HSPBP1: variants seen among roughly 807,000 people sequenced by gnomAD.
HSPBP1 encodes the protein hsp70-binding protein 1.
A neutral mutation model predicts 41.7 loss-of-function variants in HSPBP1; 31 were observed. That is an observed-to-expected ratio of 0.74 (90% CI 0.56 to 1.00). The LOEUF (loss-of-function observed/expected upper bound fraction) is 1.00. HSPBP1 is among the 50% of genes least tolerant of loss of function. The pLI is 0.00. For synonymous variants in HSPBP1, 199 were observed against 214.4 expected (o/e 0.93, Z 0.63); for missense variants, 439 against 487.9 (o/e 0.90, Z 0.94).
chr19:55,263,257 A>G (rs1323905273), intron 7 of HSPBP1, among the ~76,000 whole-genome samples: 1 of 152,232 alleles, frequency 6.6e-6, no homozygotes, highest in Non-Finnish European at 1.5e-5. Flanking sequence ...CACTCATGGG[A>G]GAAATGTAAA....
rs1383469810 is a variant in HSPBP1, at chr19:55,272,849, AAAAG to A, written c.640+1545_640+1548del. Among the ~76,000 whole-genome samples, 1 of 152,108 alleles carries A rather than the reference AAAAG, an allele frequency of 6.6e-6. No individual in the cohort carries two copies. Among genetic ancestry groups the A allele is most frequent in the East Asian group, 1.9e-4 (1 of 5,176 alleles). On this transcript the variant is annotated intron_variant, in intron 4 of 7. Coordinates refer to ENST00000433386, the MANE Select transcript of HSPBP1 (RefSeq NM_012267.5). The surrounding 1 kb of genome is among the most constrained non-coding windows in gnomAD (Gnocchi z 4.2). ...GCGAGACTCTGTCTCAAAAAAAAAA[AAAAG>A]AAAGAAAAGAAGAAAATGTTCCAAA...
At chr19:55,275,487 T>C (rs2088046771) in intron 3 of HSPBP1, among the ~76,000 whole-genome samples, 1 of 152,152 alleles carries the variant, frequency 6.6e-6, no homozygotes, top group Non-Finnish European at 1.5e-5. Flanking sequence ...AACGGAGTAT[T>C]ACTCAGCCAT....
At chr19:55,274,375 C>T in intron 4 of HSPBP1, 23 bp downstream of exon 4, 3 of 1,108,662 alleles carry the variant, frequency 2.7e-6, no homozygotes, top group Non-Finnish European at 3.7e-6. Context: ...CACCCCTGTC[C>T]CCAGCCCCAC....
At chr19:55,265,162 TGG>T in intron 7 of HSPBP1, 114 bp downstream of exon 7, 1 of 164,760 alleles carries the variant, frequency 6.1e-6, no homozygotes, top group Non-Finnish European at 1.1e-5. Context: ...CCCCTCCCCC[TGG>T]CACCTGATCC....
In HSPBP1 at chr19:55,274,522, G is replaced by A; in HGVS notation, c.516C>T (p.Cys172=). 6.2e-7 allele frequency: 1 copy of A among 1,606,732 alleles called. No homozygotes were observed. Residue 172 remains cysteine, a synonymous_variant, in exon 4 of 8, where the codon TGC becomes TGT. Transcript: ENST00000433386. ...CCTGGATGGCTGCCACGTTCTGACT[G>A]CACGTGCCGATGAGCTGTGCCGCCC... ...RWRAAQLIGT[C]SQNVAAIQEQ... is the part of the protein sequence containing the mutation.
chr19:55,272,182 T>C lies in HSPBP1; in HGVS notation c.640+2216A>G, dbSNP rs2087940665. Among the ~76,000 whole-genome samples the C allele has an allele frequency of 6.6e-6, 1 of 151,588 alleles. No homozygotes were observed. Among genetic ancestry groups the C allele is most frequent in the African/African-American group, 2.4e-5 (1 of 41,164 alleles). ...CAAGAGAACGGAAAACAAATGTCCA[T>C]AAAAACACCTGCGCAGCTATGTCCA... On this transcript the variant is annotated intron_variant, in intron 4 of 7. Coordinates refer to ENST00000433386, the MANE Select transcript of HSPBP1 (RefSeq NM_012267.5). This position sits in a 1 kb window ranked among gnomAD's most constrained non-coding sequence, Gnocchi z 4.2.
intron 4 of HSPBP1, among the ~76,000 whole-genome samples, chr19:55,267,718 C>G (rs536783373): frequency 6.6e-6 from 1 of 152,360 alleles, no homozygotes; most frequent in East Asian, 1.9e-4. Context: ...CTCAGCCTCC[C>G]AAGGTGCTGG....
chr19:55,275,587 G>C (rs1406757268), intron 3 of HSPBP1, among the ~76,000 whole-genome samples: 1 of 152,046 alleles, frequency 6.6e-6, no homozygotes, highest in Non-Finnish European at 1.5e-5. Context: ...TTGAGGCCAG[G>C]AGTTCGAGAC....
Position 55,279,717 on chromosome 19 carries a change from G to C in HSPBP1, c.-94-15C>G. ...TTCTTGAGGGTCTGCTGAGAAGGCG[G>C]CGTTTCAGGGGAGCTCGGCGACCCC... On this transcript the variant is annotated splice_polypyrimidine_tract_variant and intron_variant, in intron 1 of 7. Transcript: ENST00000433386. The C allele has an allele frequency of 6.5e-7, 1 of 1,536,406 alleles. No homozygotes were observed. The highest frequency in any genetic ancestry group is 2.4e-5 in the East Asian group (1 of 40,862).
chr19:55,265,434 C>T lies in HSPBP1; in HGVS notation c.894-45G>A. The T allele has an allele frequency of 2.7e-6, 4 of 1,468,414 alleles. No individual in the cohort carries two copies. The South Asian group carries it at 3.4e-5, about 12-fold the overall frequency. The allele number at this position is 1,468,414 out of a possible 1,614,324, so 91.0% of individuals were successfully genotyped here. On this transcript the variant is annotated intron_variant, in intron 6 of 7. Coordinates refer to ENST00000433386, the MANE Select transcript of HSPBP1 (RefSeq NM_012267.5). The stretch of plus-strand genomic sequence containing the variant: ...GGCCCTTAGGACCTCCCTCTAGAGG[C>T]CTCACTGACCCAACCCTATCGCCCG...
chr19:55,279,481 C>G lies in HSPBP1; in HGVS notation c.128G>C (p.Arg43Pro). The G allele has an allele frequency of 6.2e-7, 1 of 1,606,524 alleles. No individual in the cohort carries two copies. The highest frequency in any genetic ancestry group is 8.5e-7 in the Non-Finnish European group (1 of 1,178,520). The stretch of plus-strand genomic sequence containing the variant: ...CATCTGCAGCAAGCCTTGGAGGTTG[C>G]GTGGGGGCCGGGAATTGCCCGAGCC... ...AGGSGNSRPP[R>P]NLQGLLQMAI... The change falls in exon 2 of 8, where the codon CGC becomes CCC. Residue 43 changes from arginine to proline, a missense_variant. By Grantham distance (103) the Arg-to-Pro change is moderately radical (BLOSUM62 -2). Coordinates refer to ENST00000433386, the MANE Select transcript of HSPBP1 (RefSeq NM_012267.5).
intron 2 of HSPBP1, among the ~76,000 whole-genome samples, chr19:55,278,941 A>G (rs571675139): frequency 0.017 from 2,509 of 149,450 alleles, 79 homozygotes; most frequent in African/African-American, 0.06. Context: ...AAAAAAAAAA[A>G]CAGCAGTCTG....
At chr19:55,279,888 C>A in intron 1 of HSPBP1, 147 bp downstream of exon 1, 1 of 603,650 alleles carries the variant, frequency 1.7e-6, no homozygotes, top group Non-Finnish European at 2.9e-6. Flanking sequence ...GCAACAACCC[C>A]CCTTCCCCAT....
chr19:55,270,437 C>T lies in HSPBP1; in HGVS notation c.640+3961G>A, dbSNP rs921634214. 2.0e-5 allele frequency among the ~76,000 whole-genome samples: 3 copies of T among 152,158 alleles called. No homozygotes were observed. Among genetic ancestry groups the T allele is most frequent in the African/African-American group, 4.8e-5 (2 of 41,438 alleles). On this transcript the variant is annotated intron_variant, in intron 4 of 7. Transcript: ENST00000433386. This position sits in a 1 kb window ranked among gnomAD's most constrained non-coding sequence, Gnocchi z 5.4. ...AATGAGACCTTCAGGGAACGAGGCC[C>T]GGCTGACGGCTGACCACAACCTCAT... is the stretch of plus-strand genomic sequence containing the variant.
At position 55,277,724 on chromosome 19, in the gene HSPBP1, G is replaced by A. The variant is rs144986709; in HGVS notation, c.333C>T (p.Ala111=). ...SQPMPPTAGE[A]EQAADQQERE... ...GCTCTTGCTGGTCGGCCGCCTGCTC[G>A]GCCTCCCCAGCAGTGGGGGGCATGG... The change falls in exon 3 of 8, where the codon GCC becomes GCT. Residue 111 remains alanine, a synonymous_variant. Transcript: ENST00000433386. The A allele has an allele frequency of 3.4e-4, 546 of 1,606,496 alleles. No homozygotes were observed. The highest frequency in any genetic ancestry group is 4.4e-4 in the Non-Finnish European group (517 of 1,177,132).
chr19:55,274,441 G>A lies in HSPBP1; in HGVS notation c.597C>T (p.Asp199=), dbSNP rs1042830564. The A allele has an allele frequency of 5.1e-6, 8 of 1,583,856 alleles. No homozygotes were observed. Among genetic ancestry groups the A allele is most frequent in the South Asian group, 3.4e-5 (3 of 88,032 alleles). ...LRKLLRLLDR[D]ACDTVRVKAL... is the part of the protein sequence containing the mutation. The stretch of plus-strand genomic sequence containing the variant: ...CCTTGACGCGCACCGTGTCGCAGGC[G>A]TCGCGGTCCAGCAGCCGCAGCAGCT... Residue 199 remains aspartate, a synonymous_variant, in exon 4 of 8, where the codon GAC becomes GAT. Coordinates refer to ENST00000433386, the MANE Select transcript of HSPBP1 (RefSeq NM_012267.5).
chr19:55,276,670 C>T (rs1433276795), intron 3 of HSPBP1, among the ~76,000 whole-genome samples: 1 of 152,036 alleles, frequency 6.6e-6, no homozygotes. Flanking sequence ...AGAGCAAAGT[C>T]GTTAAAAGCC....
At chr19:55,275,529 T>A (rs1357813528) in intron 3 of HSPBP1, among the ~76,000 whole-genome samples, 2 of 151,798 alleles carry the variant, frequency 1.3e-5, no homozygotes, top group Non-Finnish European at 2.9e-5. Context: ...GCGTGGTGGC[T>A]CAAGCCTATA....
chr19:55,274,618 GAA>G lies in HSPBP1; in HGVS notation c.418_419del (p.Phe140LeufsTer51). The G allele has an allele frequency of 6.2e-7, 1 of 1,604,082 alleles. No individual in the cohort carries two copies. The highest frequency in any genetic ancestry group is 1.1e-5 in the South Asian group (1 of 90,850). ...GCAGGTGCATGCCAGACAGCTGGCA[GAA>G]GTCTGTGCCACAGAGGGGAGCAGAG... ...LCENMDNAAD[F>X]CQLSGMHLLV... On this transcript the variant is annotated frameshift_variant and splice_region_variant, in exon 4 of 8. Coordinates refer to ENST00000433386, the MANE Select transcript of HSPBP1 (RefSeq NM_012267.5). LOFTEE classifies it high-confidence loss of function.
Sources: allele counts gnomAD v4.1 joint callset (sites outside exome capture counted in the v4.1 genomes callset), GRCh38; gene constraint gnomAD v4.1.1; non-coding constraint Gnocchi (gnomAD v3.1); transcripts MANE v1.5; gene names NCBI Gene and HGNC (gene_info 2026-07-23, HGNC 2026-07-21).